The following KRABD5 variants were observed in gnomAD, a reference collection of about 807,000 sequenced individuals.
KRABD5 encodes the protein KRAB domain containing 5.
the KRABD5 span, among the ~76,000 whole-genome samples, chr16:31,731,221 T>A: frequency 6.6e-6 from 1 of 152,164 alleles, no homozygotes; most frequent in South Asian, 2.1e-4. Context: ...CCTGAGCTGA[T>A]GAGATTTTGA....
chr16:31,725,135 A>T, the KRABD5 span, among the ~76,000 whole-genome samples: 1 of 125,910 alleles, frequency 7.9e-6, no homozygotes, highest in Non-Finnish European at 1.8e-5. Context: ...TTTATTTTTG[A>T]GATGGAGTCT....
the KRABD5 span, chr16:31,713,343 C>T: frequency 6.4e-7 from 1 of 1,550,502 alleles, no homozygotes; most frequent in South Asian, 1.2e-5. Flanking sequence ...GCTTCGCGTT[C>T]TGAGAATAGA....
chr16:31,739,169 A>G, the KRABD5 span, among the ~76,000 whole-genome samples: 1 of 152,162 alleles, frequency 6.6e-6, no homozygotes, highest in African/African-American at 2.4e-5. Flanking sequence ...ATTTTGTGTT[A>G]CTACTCACCA....
chr16:31,716,008 C>T, the KRABD5 span, among the ~76,000 whole-genome samples: 50 of 152,168 alleles, frequency 3.3e-4, no homozygotes, highest in Non-Finnish European at 6.2e-4. Flanking sequence ...CCACATAATT[C>T]CCACCCACTC....
At chr16:31,722,798 G>A in the KRABD5 span, 6 of 1,509,908 alleles carry the variant, frequency 4.0e-6, 1 homozygote, top group South Asian at 8.3e-5. Flanking sequence ...AATAACTAAG[G>A]GTTTTATTTC....
the KRABD5 span, among the ~76,000 whole-genome samples, chr16:31,716,776 G>C: frequency 4.6e-5 from 7 of 152,274 alleles, no homozygotes; most frequent in East Asian, 1.4e-3. Context: ...ATTAATTCAA[G>C]ATTATGGCCC....
At chr16:31,759,179 G>T in the KRABD5 span, 1 of 589,222 alleles carries the variant, frequency 1.7e-6, no homozygotes, top group Non-Finnish European at 2.9e-6. Context: ...CCCAAAACAG[G>T]AAACAACCAA....
the KRABD5 span, among the ~76,000 whole-genome samples, chr16:31,716,839 C>G: frequency 1.3e-5 from 2 of 152,172 alleles, no homozygotes; most frequent in African/African-American, 4.8e-5. Context: ...AGACTTAACT[C>G]TTCTTGAAAA....
chr16:31,759,412 G>A, the KRABD5 span: 2 of 1,536,156 alleles, frequency 1.3e-6, no homozygotes, highest in Non-Finnish European at 8.8e-7. Context: ...TTGAGAAAAA[G>A]GACCAAAGAC....
At chr16:31,748,855 C>G in the KRABD5 span, among the ~76,000 whole-genome samples, 1 of 152,158 alleles carries the variant, frequency 6.6e-6, no homozygotes, top group South Asian at 2.1e-4. Context: ...CCACTCTGAA[C>G]TCCGGGGGGC....
the KRABD5 span, among the ~76,000 whole-genome samples, chr16:31,748,660 G>A: frequency 7.9e-5 from 12 of 152,252 alleles, no homozygotes; most frequent in Non-Finnish European, 1.5e-4. Flanking sequence ...CAATCATTTG[G>A]AGAAGAGGCA....
chr16:31,753,629 A>G, the KRABD5 span: 1 of 838,260 alleles, frequency 1.2e-6, no homozygotes. Context: ...ATATCAATTG[A>G]GAAAACAAAG....
chr16:31,754,584 C>G, the KRABD5 span: 1 of 493,734 alleles, frequency 2.0e-6, no homozygotes, highest in Non-Finnish European at 4.0e-6. Context: ...CATGAATGCA[C>G]CAACCATGTC....
At chr16:31,720,735 A>G in the KRABD5 span, among the ~76,000 whole-genome samples, 92,541 of 151,970 alleles carry the variant, frequency 0.61, 29,170 homozygotes, top group Middle Eastern at 0.73. Flanking sequence ...TTCCTTCACT[A>G]GTTATTTTTC....
At chr16:31,733,790 A>T in the KRABD5 span, among the ~76,000 whole-genome samples, 7 of 152,310 alleles carry the variant, frequency 4.6e-5, no homozygotes, top group Non-Finnish European at 8.8e-5. Flanking sequence ...TAATCTGCTC[A>T]TCCATAAAGG....
At chr16:31,754,154 AT>A in the KRABD5 span, 1 of 694,266 alleles carries the variant, frequency 1.4e-6, no homozygotes, top group Non-Finnish European at 2.6e-6. Flanking sequence ...ATTTAAACCA[AT>A]TAAAATATAG....
the KRABD5 span, chr16:31,758,964 C>A: frequency 6.3e-6 from 1 of 157,584 alleles, no homozygotes; most frequent in South Asian, 1.9e-4. Context: ...ATAAATGGAA[C>A]TGTTCTGTAG....
chr16:31,725,610 A>G, the KRABD5 span, among the ~76,000 whole-genome samples: 1 of 152,318 alleles, frequency 6.6e-6, no homozygotes, highest in South Asian at 2.1e-4. Context: ...TCTCTTTGAT[A>G]GTAGACATTC....
At chr16:31,713,515 T>G in the KRABD5 span, 1 of 1,539,486 alleles carries the variant, frequency 6.5e-7, no homozygotes, top group South Asian at 1.2e-5. Context: ...GAGGTTAGCT[T>G]CGGGGTCTGG....
Sources: gnomAD v4.1 joint callset for allele counts (sites outside exome capture counted in the v4.1 genomes callset) on GRCh38, gnomAD v4.1.1 for gene constraint, MANE v1.5 for transcripts, NCBI Gene and HGNC (gene_info 2026-07-23, HGNC 2026-07-21) for gene names.